The following XXYLT1 variants were observed in gnomAD, a reference collection of about 807,000 sequenced individuals.
The protein encoded by XXYLT1 is UDP-xylose:alpha-xyloside alpha-1,3-xylosyltransferase.
In XXYLT1, 20 loss-of-function variants were observed where a neutral mutation model predicts 28.9. The ratio of observed to expected loss-of-function variants is 0.69; its 90% CI spans 0.49 to 1.00. The LOEUF (loss-of-function observed/expected upper bound fraction) is 1.00, where lower values mean the gene tolerates loss of function less well. XXYLT1 is among the 50% of genes least tolerant of loss of function. The pLI is 0.00. For missense variants in XXYLT1, 542 were observed against 560.1 expected, an observed-to-expected ratio of 0.97 and a Z score of 0.33; for synonymous variants, 257 against 253.8, an observed-to-expected ratio of 1.01 and a Z score of -0.12.
At chr3:195,169,528 A>G (rs184304546) in intron 2 of XXYLT1, among the ~76,000 whole-genome samples, 100 of 152,148 alleles carry the variant, frequency 6.6e-4, no homozygotes, top group African/African-American at 2.4e-3. Flanking sequence ...ACAGATATAG[A>G]TGGTCCCCGC....
At chr3:195,266,968 T>C (rs1725867907) in intron 1 of XXYLT1, among the ~76,000 whole-genome samples, 3 of 152,248 alleles carry the variant, frequency 2.0e-5, no homozygotes, top group African/African-American at 7.2e-5. Context: ...AATAATATGC[T>C]TCCCTGTTCA....
At chr3:195,261,139 A>C (rs2108854404) in intron 1 of XXYLT1, among the ~76,000 whole-genome samples, 1 of 152,342 alleles carries the variant, frequency 6.6e-6, no homozygotes, top group South Asian at 2.1e-4. Context: ...ATACATTCTA[A>C]AGGCCTGAAC....
chr3:195,102,155 T>C (rs1322459839), intron 3 of XXYLT1, among the ~76,000 whole-genome samples: 1 of 152,098 alleles, frequency 6.6e-6, no homozygotes, highest in African/African-American at 2.4e-5. Flanking sequence ...CAGAATAGAA[T>C]GAATGTCTTC....
chr3:195,210,949 T>A lies in XXYLT1; in HGVS notation c.652+15760A>T, dbSNP rs1197286583. The stretch of plus-strand genomic sequence containing the variant: ...GCACCCGCCACAGCAGGAATCAGAG[T>A]TCTCCAGGCTTGGGGAACCATCAAG... On this transcript the variant is annotated intron_variant, in intron 2 of 3. Coordinates refer to ENST00000310380, the MANE Select transcript of XXYLT1 (RefSeq NM_152531.5). The surrounding 1 kb of genome is among the most constrained non-coding windows in gnomAD (Gnocchi z 4.8). 6.6e-6 allele frequency among the ~76,000 whole-genome samples: 1 copy of A among 152,084 alleles called. No homozygotes were observed. Among genetic ancestry groups the A allele is most frequent in the East Asian group, 1.9e-4 (1 of 5,192 alleles).
rs1723535168 is a variant in XXYLT1 at position 195,215,536 on chromosome 3, A to G, written c.652+11173T>C. Among the ~76,000 whole-genome samples, 7 of 131,786 alleles carry G rather than the reference A, an allele frequency of 5.3e-5. No individual in the cohort carries two copies. The Admixed American group carries it at 5.5e-4, about 10-fold the overall frequency. The allele number at this position is 131,786 out of a possible 152,430, so 86.5% of individuals were successfully genotyped here. ...GGGTTGCAATCCTAGTCTCTGATAA[A>G]ACAGACTTTAAACCAACAAAGATCA... On this transcript the variant is annotated intron_variant, in intron 2 of 3. Transcript: ENST00000310380.
rs1332299419 is a variant in XXYLT1, at chr3:195,255,642, G to C, written c.504+14913C>G. ...ACAGAGCAAGCACAGCGTAGAACTGGCTTCCGAACACAAGGGAAGGCAGGC... is the reference window on the plus strand; with the variant it reads ...ACAGAGCAAGCACAGCGTAGAACTGCCTTCCGAACACAAGGGAAGGCAGGC... On this transcript the variant is annotated intron_variant, in intron 1 of 3. Coordinates refer to ENST00000310380, the MANE Select transcript of XXYLT1 (RefSeq NM_152531.5). This position sits in a 1 kb window ranked among gnomAD's most constrained non-coding sequence, Gnocchi z 4.5. 3.3e-5 allele frequency among the ~76,000 whole-genome samples: 5 copies of C among 152,146 alleles called. No homozygotes were observed. Among genetic ancestry groups the C allele is most frequent in the South Asian group, 2.1e-4 (1 of 4,826 alleles).
At chr3:195,086,906 T>G (rs1330665309) in intron 3 of XXYLT1, among the ~76,000 whole-genome samples, 2 of 152,186 alleles carry the variant, frequency 1.3e-5, no homozygotes, top group African/African-American at 4.8e-5. Flanking sequence ...GTGGCTGTTC[T>G]AATCATGATC....
chr3:195,165,269 G>C (rs990033057), intron 2 of XXYLT1, among the ~76,000 whole-genome samples: 1 of 152,080 alleles, frequency 6.6e-6, no homozygotes, highest in Non-Finnish European at 1.5e-5. Flanking sequence ...CTACAGGGTC[G>C]CAGGCTACAG....
intron 2 of XXYLT1, chr3:195,184,809 T>C (rs1722105572): frequency 1.0e-6 from 1 of 985,268 alleles, no homozygotes; most frequent in Non-Finnish European, 1.2e-6. Flanking sequence ...AGGAAAAAAA[T>C]CTGAAGTTCC....
chr3:195,267,627 T>A (rs987287897), intron 1 of XXYLT1, among the ~76,000 whole-genome samples: 1 of 152,226 alleles, frequency 6.6e-6, no homozygotes, highest in Non-Finnish European at 1.5e-5. Context: ...GTCAGTGCCC[T>A]TAAGGAGTTT....
At chr3:195,234,307 G>A in intron 1 of XXYLT1, among the ~76,000 whole-genome samples, 1 of 134,278 alleles carries the variant, frequency 7.4e-6, no homozygotes, top group African/African-American at 2.8e-5. Flanking sequence ...CATGTTTGAA[G>A]GATTTTTTTT....
At chr3:195,112,486 A>C (rs1717788137) in intron 3 of XXYLT1, among the ~76,000 whole-genome samples, 1 of 117,490 alleles carries the variant, frequency 8.5e-6, no homozygotes, top group Non-Finnish European at 1.8e-5. Flanking sequence ...GCACACACGC[A>C]TGGACACATG....
intron 3 of XXYLT1, among the ~76,000 whole-genome samples, chr3:195,072,923 G>A (rs994026279): frequency 6.6e-6 from 1 of 152,200 alleles, no homozygotes; most frequent in African/African-American, 2.4e-5. Context: ...ATTGGAGCTC[G>A]TGCGAGGAAC....
intron 3 of XXYLT1, among the ~76,000 whole-genome samples, chr3:195,112,512 ACC>A (rs1316474295): frequency 6.4e-5 from 2 of 31,198 alleles, no homozygotes; most frequent in Non-Finnish European, 1.9e-4. Flanking sequence ...ACCCACACAC[ACC>A]CACACACACA....
intron 3 of XXYLT1, among the ~76,000 whole-genome samples, chr3:195,089,553 T>C (rs1326879949): frequency 6.6e-6 from 1 of 152,066 alleles, no homozygotes; most frequent in Middle Eastern, 3.4e-3. Flanking sequence ...GAACAACCGG[T>C]ACCAGCCGCT....
rs1716785118 is a variant in XXYLT1, at chr3:195,101,761, G to A, written c.786-31650C>T. Among the ~76,000 whole-genome samples the A allele has an allele frequency of 2.7e-5, 4 of 145,776 alleles. No homozygotes were observed. In the South Asian group the frequency reaches 9.1e-4, roughly 33 times the overall value. ...GGACTGCTGGAGCCCAGGGCTTTAT[G>A]TCCAGCCTGGGAAATGTAGCGAGAC... On this transcript the variant is annotated intron_variant, in intron 3 of 3. Coordinates refer to ENST00000310380, the MANE Select transcript of XXYLT1 (RefSeq NM_152531.5).
intron 2 of XXYLT1, among the ~76,000 whole-genome samples, chr3:195,185,086 GAA>G (rs1722125525): frequency 1.1e-4 from 1 of 8,816 alleles, no homozygotes; most frequent in Admixed American, 1.1e-3. Context: ...AAAGAAGGAA[GAA>G]GGAAGGAAGG....
intron 3 of XXYLT1, among the ~76,000 whole-genome samples, chr3:195,126,705 AT>A (rs2108622783): frequency 6.6e-6 from 1 of 152,330 alleles, no homozygotes; most frequent in Admixed American, 6.5e-5. Context: ...CCTTCTTTCA[AT>A]TTGATCCCAA....
intron 3 of XXYLT1, among the ~76,000 whole-genome samples, chr3:195,121,740 C>A (rs1402468337): frequency 6.6e-6 from 1 of 152,152 alleles, no homozygotes; most frequent in Non-Finnish European, 1.5e-5. Flanking sequence ...AGAACACTCG[C>A]CAGGTCGGGG....
Sources: allele counts gnomAD v4.1 joint callset (sites outside exome capture counted in the v4.1 genomes callset), GRCh38; gene constraint gnomAD v4.1.1; non-coding constraint Gnocchi (gnomAD v3.1); transcripts MANE v1.5; gene names NCBI Gene and HGNC (gene_info 2026-07-23, HGNC 2026-07-21).